The following MDFI variants were observed in gnomAD, a reference collection of about 807,000 sequenced individuals.
The protein encoded by MDFI is MyoD family inhibitor.
MDFI carries 16 observed loss-of-function variants against 22.3 expected under a neutral mutation model. That is an observed-to-expected ratio of 0.72 (90% CI 0.49 to 1.09). MDFI has a LOEUF of 1.09. Ranked by LOEUF, MDFI falls within the 50% of genes least tolerant of loss-of-function variation. The pLI, the probability that MDFI is intolerant of heterozygous loss-of-function variation, is 0.00. For missense variants in MDFI, 314 were observed against 326.1 expected (o/e 0.96, Z 0.29); for synonymous variants, 145 against 142.7 (o/e 1.02, Z -0.12).
chr6:41,639,609 C>T (rs2127425393), intron 2 of MDFI: 4 of 985,408 alleles, frequency 4.1e-6, no homozygotes, highest in Middle Eastern at 1.0e-3. Context: ...AATGGAAGTC[C>T]GGGTCAAGGA....
chr6:41,653,562 G>A lies in MDFI; in HGVS notation c.728G>A (p.Cys243Tyr), dbSNP rs1768366861. The part of the protein sequence containing the change: ...LEICMECCGL[C>Y]FSS Reference sequence around the variant, plus strand: ...ATCTGCATGGAGTGCTGTGGGCTCTGCTTCTCCTCCTGAGCCTCTGTCGGG... The same window carrying A: ...ATCTGCATGGAGTGCTGTGGGCTCTACTTCTCCTCCTGAGCCTCTGTCGGG... Residue 243 changes from cysteine (C) to tyrosine (Y), a missense_variant, in exon 5 of 5, where the codon TGC (cysteine) becomes TAC (tyrosine). By Grantham distance (194) the Cys-to-Tyr change is radical. Coordinates refer to ENST00000230321, the MANE Select transcript of MDFI (RefSeq NM_005586.4). The surrounding 1 kb of genome is among the most constrained non-coding windows in gnomAD (Gnocchi z 4.2). 6.2e-7 allele frequency: 1 copy of A among 1,600,440 alleles called. No homozygotes were observed. The highest frequency in any genetic ancestry group is 8.5e-7 in the Non-Finnish European group (1 of 1,179,910).
chr6:41,651,012 C>T (rs1768251469), intron 4 of MDFI, among the ~76,000 whole-genome samples: 4 of 151,944 alleles, frequency 2.6e-5, no homozygotes, highest in Admixed American at 2.0e-4. Context: ...TCAAGACCAG[C>T]CTTGTCTAAA....
At chr6:41,644,733 C>T (rs184292199) in intron 2 of MDFI, among the ~76,000 whole-genome samples, 45 of 152,146 alleles carry the variant, frequency 3.0e-4, no homozygotes, top group African/African-American at 1.1e-3. Context: ...CCCCCACCCC[C>T]ACTCTCTCCC....
At chr6:41,642,852 G>T (rs1273173364) in intron 2 of MDFI, among the ~76,000 whole-genome samples, 1 of 152,168 alleles carries the variant, frequency 6.6e-6, no homozygotes, top group Non-Finnish European at 1.5e-5. Context: ...CAGATCCAAG[G>T]TCACCAGCCC....
intron 4 of MDFI, among the ~76,000 whole-genome samples, chr6:41,652,899 T>C (rs1768329217): frequency 6.6e-6 from 1 of 152,184 alleles, no homozygotes; most frequent in African/African-American, 2.4e-5. Context: ...ATTACAGGCA[T>C]GAGCCACTGG....
intron 2 of MDFI, chr6:41,639,401 C>A: frequency 1.0e-6 from 1 of 985,416 alleles, no homozygotes. Flanking sequence ...ACACGCACCC[C>A]AACCCAGTGT....
In MDFI at chr6:41,646,178, C is replaced by A. The variant is rs543584558; in HGVS notation, c.129C>A (p.His43Gln). 2.4e-5 allele frequency: 38 copies of A among 1,588,346 alleles called. No individual in the cohort carries two copies. The Admixed American group carries it at 6.2e-4, about 26-fold the overall frequency. ...PGLEVVTGST[H>Q]PAEAAPEEGS... ...TGGAGGTAGTAACAGGATCCACTCA[C>A]CCTGCGGAGGCAGCACCAGAGGAGG... The change falls in exon 3 of 5, where the codon CAC (histidine) becomes CAA (glutamine). Residue 43 changes from histidine (H) to glutamine (Q), a missense_variant. His to Gln is a conservative substitution (Grantham distance 24). Coordinates refer to ENST00000230321, the MANE Select transcript of MDFI (RefSeq NM_005586.4).
chr6:41,651,528 A>G (rs962580662), intron 4 of MDFI, among the ~76,000 whole-genome samples: 2 of 128,130 alleles, frequency 1.6e-5, no homozygotes, highest in African/African-American at 6.3e-5. Flanking sequence ...GGGTCCTGGG[A>G]GGTCCTTACC....
chr6:41,640,198 G>A lies in MDFI; in HGVS notation c.76+1373G>A, dbSNP rs535265242. ...TGTGTCTGGGAACCTTCCCTGTCCC[G>A]CTGGGCCTCCTTCCTGCCTCCTCCC... On this transcript the variant is annotated intron_variant, in intron 2 of 4. Transcript: ENST00000230321. 3.3e-5 allele frequency among the ~76,000 whole-genome samples: 5 copies of A among 152,116 alleles called. 1 individual carries two copies. Among genetic ancestry groups the A allele is most frequent in the Admixed American group, 2.6e-4 (4 of 15,280 alleles).
chr6:41,643,292 T>C (rs1283531937), intron 2 of MDFI, among the ~76,000 whole-genome samples: 1 of 152,158 alleles, frequency 6.6e-6, no homozygotes, highest in Non-Finnish European at 1.5e-5. Flanking sequence ...GGAAGCCTGC[T>C]TGACACACTC....
Position 41,653,688 on chromosome 6 carries a change from G to A in MDFI, c.*113G>A, listed in dbSNP as rs551166272. The A allele has an allele frequency of 1.2e-5, 16 of 1,366,482 alleles. No homozygotes were observed. In the African/African-American group the frequency reaches 1.9e-4, roughly 16 times the overall value. 84.6% of individuals were successfully genotyped at this position (1,366,482 alleles called of 1,614,324 possible). A position where few individuals can be genotyped will look rare whatever the true frequency, so the allele number is the denominator to read the frequency against. Reference sequence around the variant, plus strand: ...AAGGCTTGAGAAGCCCCCTCTCCCTGGTCCTCTCCTACCCACCCATGTCCT... The same window carrying A: ...AAGGCTTGAGAAGCCCCCTCTCCCTAGTCCTCTCCTACCCACCCATGTCCT... On this transcript the variant is annotated 3_prime_UTR_variant, in exon 5 of 5. Transcript: ENST00000230321. The surrounding 1 kb of genome is among the most constrained non-coding windows in gnomAD (Gnocchi z 4.2).
intron 2 of MDFI, among the ~76,000 whole-genome samples, chr6:41,640,893 C>T (rs899365061): frequency 6.6e-6 from 1 of 152,236 alleles, no homozygotes; most frequent in African/African-American, 2.4e-5. Flanking sequence ...AGCATTGGGG[C>T]GTCACATTCC....
Position 41,646,177 on chromosome 6 carries a change from ACCCTGCGGAGGCAGCACCAGAGGAGGGCT to A in MDFI, c.134_162del (p.Ala45GlyfsTer23), listed in dbSNP as rs767761438. 2.5e-6 allele frequency: 4 copies of A among 1,585,424 alleles called. No individual in the cohort carries two copies. The African/African-American group carries it at 5.4e-5, about 22-fold the overall frequency. ...CTGGAGGTAGTAACAGGATCCACTCACCCTGCGGAGGCAGCACCAGAGGAGGGCTCCCTGGAGGAGGCGGCAACCCCCAT... is the reference window on the plus strand; with the variant it reads ...CTGGAGGTAGTAACAGGATCCACTCACCCTGGAGGAGGCGGCAACCCCCAT... On this transcript the variant is annotated frameshift_variant, in exon 3 of 5. Coordinates refer to ENST00000230321, the MANE Select transcript of MDFI (RefSeq NM_005586.4). LOFTEE classifies it high-confidence loss of function.
chr6:41,637,385 A>G (rs533581334), upstream of MDFI: 1 of 152,082 alleles, frequency 6.6e-6, no homozygotes, highest in African/African-American at 2.4e-5. This position sits in a 1 kb window ranked among gnomAD's most constrained non-coding sequence, Gnocchi z 6.8. Context: ...GGGACTAGAA[A>G]AGGTGGCCTG....
intron 2 of MDFI, among the ~76,000 whole-genome samples, chr6:41,641,103 T>A (rs989372186): frequency 6.6e-6 from 1 of 152,190 alleles, no homozygotes; most frequent in Non-Finnish European, 1.5e-5. Context: ...GGGGTTCAGG[T>A]CCAGGTGCCA....
rs371572169 is a variant in MDFI, at chr6:41,653,374, C to A, written c.540C>A (p.Cys180Ter). ...SCLFCEFLTL[C>*]NIVLDCATCG... ...TGTTCTGCGAGTTCCTGACGCTGTG[C>A]AACATCGTCCTGGACTGCGCCACCT... Residue 180 changes from cysteine to a stop codon, truncating the protein, a stop_gained, in exon 5 of 5, where the codon TGC (cysteine) becomes TGA (stop). Coordinates refer to ENST00000230321, the MANE Select transcript of MDFI (RefSeq NM_005586.4). LOFTEE classifies it high-confidence loss of function. The surrounding 1 kb of genome is among the most constrained non-coding windows in gnomAD (Gnocchi z 4.2). 1.6e-5 allele frequency: 26 copies of A among 1,612,072 alleles called. No individual in the cohort carries two copies. The highest frequency in any genetic ancestry group is 2.5e-6 in the Non-Finnish European group (3 of 1,180,010).
chr6:41,643,198 G>A (rs1173660303), intron 2 of MDFI, among the ~76,000 whole-genome samples: 1 of 152,094 alleles, frequency 6.6e-6, no homozygotes, highest in Non-Finnish European at 1.5e-5. Flanking sequence ...CTCACTCGGG[G>A]GTCTTGATTC....
Position 41,640,129 on chromosome 6 carries a change from C to T in MDFI, c.76+1304C>T, listed in dbSNP as rs368395793. On this transcript the variant is annotated intron_variant, in intron 2 of 4. Coordinates refer to ENST00000230321, the MANE Select transcript of MDFI (RefSeq NM_005586.4). ...CCTCCAAGAATTGGACTCCTTCAGC[C>T]CGGAGGGACAGCTGGGGGCAGGGCA... 3.3e-5 allele frequency among the ~76,000 whole-genome samples: 5 copies of T among 152,324 alleles called. No individual in the cohort carries two copies. The East Asian group carries it at 9.6e-4, about 29-fold the overall frequency.
At chr6:41,650,573 C>CTTTTTT (rs34897556) in intron 4 of MDFI, among the ~76,000 whole-genome samples, 4 of 129,682 alleles carry the variant, frequency 3.1e-5, no homozygotes, top group East Asian at 2.2e-4. Flanking sequence ...AGTCTTTTTC[C>CTTTTTT]TTTTTTTTTT....
Sources: allele counts gnomAD v4.1 joint callset (sites outside exome capture counted in the v4.1 genomes callset), GRCh38; gene constraint gnomAD v4.1.1; non-coding constraint Gnocchi (gnomAD v3.1); transcripts MANE v1.5; gene names NCBI Gene and HGNC (gene_info 2026-07-23, HGNC 2026-07-21).